Variants in KCNIP4 observed in about 807,000 individuals in gnomAD.
KCNIP4 encodes the protein Kv channel-interacting protein 4.
KCNIP4 carries 12 observed loss-of-function variants against 34.0 expected under a neutral mutation model. That is an observed-to-expected ratio of 0.35 (90% CI 0.23 to 0.57). The LOEUF is 0.57. KCNIP4 is among the 20% of genes least tolerant of loss of function. The probability of loss-of-function intolerance (pLI) is 0.83; values close to 1 mark genes in which losing one functional copy is unlikely to be tolerated. For missense variants in KCNIP4, 238 were observed against 311.7 expected (o/e 0.76, Z 1.78); for synonymous variants, 124 against 102.2 (o/e 1.21, Z -1.29).
intron 1 of KCNIP4, among the ~76,000 whole-genome samples, chr4:21,386,655 C>A (rs558926233): frequency 2.6e-4 from 40 of 152,284 alleles, no homozygotes; most frequent in Non-Finnish European, 4.7e-4. Flanking sequence ...TACTTTCTAG[C>A]AGATTCAGTA....
At chr4:20,964,664 C>T (rs190479690) in intron 1 of KCNIP4, among the ~76,000 whole-genome samples, 116 of 152,248 alleles carry the variant, frequency 7.6e-4, no homozygotes, top group Non-Finnish European at 1.5e-3. Context: ...CATTTATTTT[C>T]CTTAGGCAGC....
chr4:21,177,952 T>C (rs1377495799), intron 1 of KCNIP4, among the ~76,000 whole-genome samples: 3 of 151,808 alleles, frequency 2.0e-5, no homozygotes. Flanking sequence ...CAGGTTATTA[T>C]ACTTTTCCAA....
intron 3 of KCNIP4, among the ~76,000 whole-genome samples, chr4:20,787,708 G>A (rs565328633): frequency 1.2e-4 from 18 of 152,048 alleles, no homozygotes; most frequent in African/African-American, 4.1e-4. Context: ...TGAACATTTA[G>A]GTCATTAGTA....
At chr4:21,141,510 T>C (rs17505566) in intron 1 of KCNIP4, among the ~76,000 whole-genome samples, 14,036 of 152,174 alleles carry the variant, frequency 0.092, 806 homozygotes, top group East Asian at 0.19. Flanking sequence ...GTGTCAGATA[T>C]AATTTGAAAA....
intron 1 of KCNIP4, among the ~76,000 whole-genome samples, chr4:21,794,239 T>C (rs1720487407): frequency 6.6e-6 from 1 of 152,056 alleles, no homozygotes; most frequent in Admixed American, 6.5e-5. Context: ...AACCTGCACG[T>C]TGTGCACATG....
intron 1 of KCNIP4, among the ~76,000 whole-genome samples, chr4:21,893,402 T>C (rs562251806): frequency 6.6e-6 from 1 of 152,338 alleles, no homozygotes; most frequent in African/African-American, 2.4e-5. Flanking sequence ...TTTAATAGTA[T>C]GTTGTTCCAA....
chr4:20,920,468 G>A (rs1337625106), intron 1 of KCNIP4, among the ~76,000 whole-genome samples: 1 of 152,180 alleles, frequency 6.6e-6, no homozygotes. Flanking sequence ...ATTCTGCAAG[G>A]AGAGGATAAC....
chr4:20,956,404 C>G (rs1215316799), intron 1 of KCNIP4, among the ~76,000 whole-genome samples: 1 of 151,816 alleles, frequency 6.6e-6, no homozygotes, highest in East Asian at 1.9e-4. Context: ...ACTTGGGAGG[C>G]TGAGGCAGGA....
chr4:21,802,270 T>G (rs1721047804), intron 1 of KCNIP4, among the ~76,000 whole-genome samples: 1 of 152,134 alleles, frequency 6.6e-6, no homozygotes, highest in African/African-American at 2.4e-5. Flanking sequence ...CACTAGGATA[T>G]TTAGTATTTG....
chr4:21,106,900 G>C (rs1264903018), intron 1 of KCNIP4, among the ~76,000 whole-genome samples: 1 of 151,416 alleles, frequency 6.6e-6, no homozygotes, highest in Non-Finnish European at 1.5e-5. Flanking sequence ...CCATGTAGTT[G>C]AGCAGTTTTG....
chr4:21,200,816 T>A (rs567116501), intron 1 of KCNIP4, among the ~76,000 whole-genome samples: 30 of 151,994 alleles, frequency 2.0e-4, no homozygotes, highest in East Asian at 7.8e-4. Flanking sequence ...TTTTTTTTTT[T>A]AAAAAAAGCA....
intron 1 of KCNIP4, among the ~76,000 whole-genome samples, chr4:21,892,184 T>C (rs1307348610): frequency 6.6e-6 from 1 of 152,094 alleles, no homozygotes; most frequent in Non-Finnish European, 1.5e-5. Context: ...TGTTGTATAT[T>C]CATGCAAAGA....
chr4:20,735,214 A>T (rs1279043875), intron 5 of KCNIP4, among the ~76,000 whole-genome samples: 1 of 152,204 alleles, frequency 6.6e-6, no homozygotes, highest in Non-Finnish European at 1.5e-5. Flanking sequence ...GACAGTGGGT[A>T]AGAGCATGGA....
At chr4:21,301,099 T>C (rs1435600270) in intron 1 of KCNIP4, among the ~76,000 whole-genome samples, 2 of 152,266 alleles carry the variant, frequency 1.3e-5, no homozygotes, top group Non-Finnish European at 2.9e-5. Context: ...TATGTATTCA[T>C]GAATATCACA....
chr4:21,508,272 C>CA, intron 1 of KCNIP4, among the ~76,000 whole-genome samples: 1 of 152,298 alleles, frequency 6.6e-6, no homozygotes, highest in South Asian at 2.1e-4. Context: ...TTTCTAACTC[C>CA]ATTCCTTTAA....
chr4:21,805,929 G>A (rs563067089), intron 1 of KCNIP4, among the ~76,000 whole-genome samples: 17 of 152,284 alleles, frequency 1.1e-4, no homozygotes, highest in Admixed American at 1.1e-3. Context: ...TTAAGAATTA[G>A]GCATGATGAA....
rs1465395600 is a variant in KCNIP4 at position 21,055,551 on chromosome 4, A to T, written c.62-172842T>A. On this transcript the variant is annotated intron_variant, in intron 1 of 8. Coordinates refer to ENST00000382152, the MANE Select transcript of KCNIP4 (RefSeq NM_025221.6). ...AAGAAACCAAAAAACTGAAAGTACA[A>T]AGGTGGTACATACAGACAATGAAAT... 2.6e-5 allele frequency among the ~76,000 whole-genome samples: 4 copies of T among 152,218 alleles called. 1 individual carries two copies. The highest frequency in any genetic ancestry group is 1.3e-4 in the Admixed American group (2 of 15,274).
At chr4:20,867,383 C>T (rs750860001) in intron 2 of KCNIP4, among the ~76,000 whole-genome samples, 1 of 151,944 alleles carries the variant, frequency 6.6e-6, no homozygotes, top group South Asian at 2.1e-4. Flanking sequence ...CGCCTACCAC[C>T]GTCTGATCTT....
chr4:20,846,792 G>A (rs1720437452), intron 3 of KCNIP4, among the ~76,000 whole-genome samples: 1 of 152,084 alleles, frequency 6.6e-6, no homozygotes, highest in Admixed American at 6.6e-5. Context: ...GAAGCACCTT[G>A]TATATGTTAT....
Sources: gnomAD v4.1 joint callset for allele counts (sites outside exome capture counted in the v4.1 genomes callset) on GRCh38, gnomAD v4.1.1 for gene constraint, MANE v1.5 for transcripts, NCBI Gene and HGNC (gene_info 2026-07-23, HGNC 2026-07-21) for gene names.